Variants in CRB1 observed in about 807,000 individuals in gnomAD.
CRB1 encodes crumbs cell polarity complex component 1.
CRB1 carries 83 observed loss-of-function variants against 120.0 expected under a neutral mutation model. The ratio of observed to expected loss-of-function variants is 0.69; its 90% CI spans 0.58 to 0.83. The LOEUF is 0.83. Among genes scored for constraint, CRB1 ranks in the 40% least tolerant of loss-of-function variants. The probability of loss-of-function intolerance (pLI) is 0.00; values close to 1 mark genes in which losing one functional copy is unlikely to be tolerated. For missense variants in CRB1, 1,699 were observed against 1,687.6 expected, an observed-to-expected ratio of 1.01 and a Z score of -0.12; for synonymous variants, 625 against 612.5, an observed-to-expected ratio of 1.02 and a Z score of -0.30.
chr1:197,224,984 A>T, the CRB1 span, among the ~76,000 whole-genome samples: 1 of 152,172 alleles, frequency 6.6e-6, no homozygotes, highest in Non-Finnish European at 1.5e-5. Context: ...AAATTATAAT[A>T]AAAGCTAGTA....
At chr1:197,252,162 A>G in the CRB1 span, among the ~76,000 whole-genome samples, 38 of 151,934 alleles carry the variant, frequency 2.5e-4, no homozygotes, top group African/African-American at 8.5e-4. Flanking sequence ...TATGAATGCA[A>G]TCATAGATAA....
intron 2 of CRB1, among the ~76,000 whole-genome samples, chr1:197,332,134 T>C (rs1226851476): frequency 1.3e-5 from 2 of 151,994 alleles, no homozygotes; most frequent in East Asian, 3.9e-4. Flanking sequence ...GGTGAGACCC[T>C]GTCTCAAAAA....
rs370389159 is a variant in CRB1 at position 197,468,659 on chromosome 1, T to C, written c.4006-9005T>C. ...AACAAATAGTCATGCCTTACAGTCC[T>C]GAAGGAAGGGATAGATTTGGCTTAA... is the stretch of plus-strand genomic sequence containing the variant. On this transcript the variant is annotated intron_variant, in intron 11 of 11. Transcript: ENST00000367400. Among the ~76,000 whole-genome samples, 4 of 152,106 alleles carry C rather than the reference T, an allele frequency of 2.6e-5. No homozygotes were observed. In the East Asian group the frequency reaches 5.8e-4, roughly 22 times the overall value.
At chr1:197,377,883 G>T (rs989859061) in intron 5 of CRB1, among the ~76,000 whole-genome samples, 2 of 152,094 alleles carry the variant, frequency 1.3e-5, no homozygotes, top group Non-Finnish European at 2.9e-5. Context: ...GATCATTTGT[G>T]CAATGAAGCA....
intron 11 of CRB1, among the ~76,000 whole-genome samples, chr1:197,475,642 G>C (rs946689417): frequency 1.3e-5 from 2 of 152,152 alleles, no homozygotes; most frequent in African/African-American, 4.8e-5. Flanking sequence ...GCTCCTCACT[G>C]ACTACAGGAC....
intron 1 of CRB1, among the ~76,000 whole-genome samples, chr1:197,290,458 T>A (rs193114002): frequency 4.0e-5 from 6 of 151,706 alleles, no homozygotes; most frequent in South Asian, 2.1e-4. Flanking sequence ...GGAAGATTAT[T>A]TTTTAGGCCT....
the CRB1 span, among the ~76,000 whole-genome samples, chr1:197,252,552 ATATATATATATAT>A: frequency 3.2e-5 from 1 of 30,854 alleles, no homozygotes; most frequent in Non-Finnish European, 7.7e-5. Flanking sequence ...ATATATATAT[ATATATATATATAT>A]ATATATATAT....
intron 5 of CRB1, among the ~76,000 whole-genome samples, chr1:197,396,664 C>T (rs1255818847): frequency 6.6e-6 from 1 of 152,102 alleles, no homozygotes; most frequent in African/African-American, 2.4e-5. Context: ...GGCTCACACA[C>T]TTATGATTAA....
intron 5 of CRB1, among the ~76,000 whole-genome samples, chr1:197,366,944 C>T (rs1420729473): frequency 6.6e-6 from 1 of 152,176 alleles, no homozygotes; most frequent in Admixed American, 6.5e-5. Flanking sequence ...AAAATATGCT[C>T]ATATCTTGTC....
chr1:197,458,646 C>T (rs1050948433), intron 11 of CRB1, among the ~76,000 whole-genome samples: 2 of 152,130 alleles, frequency 1.3e-5, no homozygotes, highest in Non-Finnish European at 2.9e-5. Flanking sequence ...TTCTCTACAG[C>T]TGAAAGAATG....
At position 197,417,125 on chromosome 1, in the gene CRB1, C is replaced by G. The variant is rs201523466; in HGVS notation, c.1172-3875C>G. ...CTGCTGTGTTGTGAGTTGAACCTTACTCATCAAATTGAGGGCTGGATGCCA... is the reference window on the plus strand; with the variant it reads ...CTGCTGTGTTGTGAGTTGAACCTTAGTCATCAAATTGAGGGCTGGATGCCA... On this transcript the variant is annotated intron_variant, in intron 5 of 11. Coordinates refer to ENST00000367400, the MANE Select transcript of CRB1 (RefSeq NM_201253.3). 1.2e-4 allele frequency among the ~76,000 whole-genome samples: 19 copies of G among 152,264 alleles called. No individual in the cohort carries two copies. In the East Asian group the frequency reaches 3.3e-3, roughly 26 times the overall value.
chr1:197,414,270 T>C (rs1175241379), intron 5 of CRB1, among the ~76,000 whole-genome samples: 1 of 152,176 alleles, frequency 6.6e-6, no homozygotes, highest in Non-Finnish European at 1.5e-5. Flanking sequence ...TGTCTTTGTA[T>C]ATATGTCTAG....
At chr1:197,330,612 C>CT (rs1658793090) in intron 2 of CRB1, among the ~76,000 whole-genome samples, 1 of 152,136 alleles carries the variant, frequency 6.6e-6, no homozygotes, top group African/African-American at 2.4e-5. Context: ...TTCTGCTATA[C>CT]TTTTTAAGAC....
chr1:197,402,107 G>A (rs1021162367), intron 5 of CRB1, among the ~76,000 whole-genome samples: 1 of 151,978 alleles, frequency 6.6e-6, no homozygotes, highest in South Asian at 2.1e-4. Context: ...AGTTAAACTC[G>A]TGTCACAGGA....
chr1:197,394,179 T>C (rs1322454259), intron 5 of CRB1, among the ~76,000 whole-genome samples: 1 of 152,068 alleles, frequency 6.6e-6, no homozygotes, highest in Non-Finnish European at 1.5e-5. Context: ...ACTTCCTCTG[T>C]AGCCTACTTA....
intron 5 of CRB1, among the ~76,000 whole-genome samples, chr1:197,372,118 A>G (rs1264025122): frequency 6.6e-6 from 1 of 152,196 alleles, no homozygotes; most frequent in Non-Finnish European, 1.5e-5. Context: ...TGCCTCATGC[A>G]GCATTTAATT....
intron 5 of CRB1, among the ~76,000 whole-genome samples, chr1:197,397,650 A>G (rs1192438665): frequency 2.6e-5 from 4 of 152,210 alleles, no homozygotes; most frequent in African/African-American, 7.2e-5. Flanking sequence ...AACCATTAAC[A>G]CATGCAACAA....
At chr1:197,302,213 A>T (rs1656905653) in intron 1 of CRB1, among the ~76,000 whole-genome samples, 1 of 152,218 alleles carries the variant, frequency 6.6e-6, no homozygotes, top group African/African-American at 2.4e-5. Context: ...CATGGAGGCA[A>T]GACCCTCCAC....
At chr1:197,222,744 GTTGAC>G in the CRB1 span, 1 of 938,208 alleles carries the variant, frequency 1.1e-6, no homozygotes, top group Non-Finnish European at 1.8e-6. Context: ...GAACAATGGA[GTTGAC>G]TTGCTCTTTC....
Sources: gnomAD v4.1 joint callset for allele counts (sites outside exome capture counted in the v4.1 genomes callset) on GRCh38, gnomAD v4.1.1 for gene constraint, MANE v1.5 for transcripts, NCBI Gene and HGNC (gene_info 2026-07-23, HGNC 2026-07-21) for gene names.